OPRD1: variants seen among roughly 807,000 people sequenced by gnomAD.
The protein encoded by OPRD1 is opioid receptor delta 1, also known as delta-type opioid receptor.
OPRD1 carries 19 observed loss-of-function variants against 17.5 expected under a neutral mutation model. That is an observed-to-expected ratio of 1.09 (90% CI 0.76 to 1.60). The LOEUF (loss-of-function observed/expected upper bound fraction) is 1.60, where lower values mean the gene tolerates loss of function less well. Ranked by LOEUF, OPRD1 falls within the 40% of genes most tolerant of loss-of-function variation. The pLI is 0.00. For missense variants in OPRD1, 483 were observed against 547.2 expected (o/e 0.88, Z 1.17); for synonymous variants, 256 against 240.9 (o/e 1.06, Z -0.58).
Position 28,828,687 on chromosome 1 carries a change from T to TAAAA in OPRD1, c.227+16095_227+16098dup, listed in dbSNP as rs71027300. Among the ~76,000 whole-genome samples the TAAAA allele has an allele frequency of 8.8e-5, 9 of 102,292 alleles. No homozygotes were observed. In the East Asian group the frequency reaches 9.1e-4, roughly 10 times the overall value. 67.1% of individuals were successfully genotyped at this position (102,292 alleles called of 152,430 possible). On this transcript the variant is annotated intron_variant, in intron 1 of 2. Coordinates refer to ENST00000234961, the MANE Select transcript of OPRD1 (RefSeq NM_000911.4). ...AGTGACAGAGTGAAACTCGATCTCT[T>TAAAA]AAAAAAAAAAAAAAAAAAAAAGCCA...
In OPRD1 at chr1:28,818,204, G is replaced by A. The variant is rs183437045; in HGVS notation, c.227+5594G>A. Among the ~76,000 whole-genome samples the A allele has an allele frequency of 9.1e-4, 138 of 152,256 alleles. 1 individual carries two copies. The highest frequency in any genetic ancestry group is 3.2e-3 in the African/African-American group (133 of 41,524). On this transcript the variant is annotated intron_variant, in intron 1 of 2. Transcript: ENST00000234961. ...TGGTCGTCTATGTTTTCCACCTTTGGCCCTTTCCCATGTCCTGCATTGCCT... is the reference window on the plus strand; with the variant it reads ...TGGTCGTCTATGTTTTCCACCTTTGACCCTTTCCCATGTCCTGCATTGCCT...
At chr1:28,836,571 G>A (rs1419306788) in intron 1 of OPRD1, among the ~76,000 whole-genome samples, 1 of 152,050 alleles carries the variant, frequency 6.6e-6, no homozygotes, top group East Asian at 1.9e-4. Context: ...AAATCAAGGT[G>A]TTGGCTGGGC....
rs1230150067 is a variant in OPRD1, at chr1:28,864,739, G to A, written c.*1456G>A. ...TTAGATCCCGTAGATGGTAAGTGGT[G>A]CCTGGGACTCTTGAGGGCGGGGGGC... On this transcript the variant is annotated 3_prime_UTR_variant, in exon 3 of 3. Transcript: ENST00000234961. 1 of 122,662 alleles carries A rather than the reference G, an allele frequency of 8.2e-6. No homozygotes were observed. The highest frequency in any genetic ancestry group is 1.7e-5 in the Non-Finnish European group (1 of 59,810). 7.6% of individuals were successfully genotyped at this position (122,662 alleles called of 1,614,324 possible). A position where few individuals can be genotyped will look rare whatever the true frequency, so the allele number is the denominator to read the frequency against.
At chr1:28,823,938 G>A (rs2088739632) in intron 1 of OPRD1, among the ~76,000 whole-genome samples, 1 of 150,198 alleles carries the variant, frequency 6.7e-6, no homozygotes, top group African/African-American at 2.4e-5. Context: ...AGCACTTTGG[G>A]AGGCTGAGGT....
At chr1:28,840,130 G>T (rs778606213) in intron 1 of OPRD1, among the ~76,000 whole-genome samples, 1 of 152,192 alleles carries the variant, frequency 6.6e-6, no homozygotes, top group Non-Finnish European at 1.5e-5. Context: ...GTCTAGTGTG[G>T]AAGACAGACA....
chr1:28,819,432 T>C (rs1171066585), intron 1 of OPRD1, among the ~76,000 whole-genome samples: 2 of 152,170 alleles, frequency 1.3e-5, no homozygotes, highest in Non-Finnish European at 2.9e-5. Context: ...GGGTCTTGGG[T>C]TCATTCCCTG....
At chr1:28,862,109 G>A (rs955533483) in intron 2 of OPRD1, among the ~76,000 whole-genome samples, 3 of 151,532 alleles carry the variant, frequency 2.0e-5, no homozygotes, top group African/African-American at 7.3e-5. Flanking sequence ...AGTAGAGATG[G>A]GGTTTTACCG....
At chr1:28,847,471 C>T (rs2088964320) in intron 1 of OPRD1, among the ~76,000 whole-genome samples, 1 of 152,176 alleles carries the variant, frequency 6.6e-6, no homozygotes, top group African/African-American at 2.4e-5. Flanking sequence ...TGACGTTGTA[C>T]ATGTACCAGC....
At chr1:28,843,057 C>A (rs1351783705) in intron 1 of OPRD1, among the ~76,000 whole-genome samples, 1 of 152,014 alleles carries the variant, frequency 6.6e-6, no homozygotes, top group African/African-American at 2.4e-5. Flanking sequence ...TTGTATGCTG[C>A]ACGCTTTCAC....
intron 1 of OPRD1, among the ~76,000 whole-genome samples, 159 bp downstream of exon 1, chr1:28,812,769 G>A (rs1030723469): frequency 6.6e-6 from 1 of 152,254 alleles, no homozygotes; most frequent in Non-Finnish European, 1.5e-5. Context: ...CTTACATCGA[G>A]GGGAACACAG....
intron 1 of OPRD1, among the ~76,000 whole-genome samples, chr1:28,819,496 GAACACTGAA>G (rs1325743946): frequency 6.6e-6 from 1 of 152,178 alleles, no homozygotes. Context: ...GAGTCACTGA[GAACACTGAA>G]AAGCCTCTTC....
In OPRD1 at chr1:28,867,616, A is replaced by G. The variant is rs2089186096; in HGVS notation, c.*4333A>G. 2 of 152,048 alleles carry G rather than the reference A, an allele frequency of 1.3e-5. No individual in the cohort carries two copies. Among genetic ancestry groups the G allele is most frequent in the African/African-American group, 4.8e-5 (2 of 41,342 alleles). The allele number at this position is 152,048 out of a possible 1,614,324, so 9.4% of individuals were successfully genotyped here. The stretch of plus-strand genomic sequence containing the variant: ...CTTGGCCTCCCAAAGTACTGGGTTT[A>G]CAGGTGTGAGCCACTGTGCCCAGCT... On this transcript the variant is annotated 3_prime_UTR_variant, in exon 3 of 3. Transcript: ENST00000234961.
intron 1 of OPRD1, among the ~76,000 whole-genome samples, chr1:28,841,773 G>A (rs1290429467): frequency 6.6e-6 from 1 of 151,688 alleles, no homozygotes; most frequent in Non-Finnish European, 1.5e-5. Flanking sequence ...GAGTGCAGTG[G>A]TGTGATCTCA....
chr1:28,867,807 C>T lies in OPRD1; in HGVS notation c.*4524C>T, dbSNP rs1448050252. Reference sequence around the variant, plus strand: ...GGATAAGGCCCAGAACGTAAGTAAACTCTAAGTACATGGTAAGTGGCAGTC... The same window carrying T: ...GGATAAGGCCCAGAACGTAAGTAAATTCTAAGTACATGGTAAGTGGCAGTC... On this transcript the variant is annotated 3_prime_UTR_variant, in exon 3 of 3. Transcript: ENST00000234961. The T allele has an allele frequency of 6.6e-6, 1 of 152,302 alleles. No individual in the cohort carries two copies. The highest frequency in any genetic ancestry group is 1.5e-5 in the Non-Finnish European group (1 of 68,112). The allele number at this position is 152,302 out of a possible 1,614,324, so 9.4% of individuals were successfully genotyped here. A position where few individuals can be genotyped will look rare whatever the true frequency, so the allele number is the denominator to read the frequency against.
intron 1 of OPRD1, among the ~76,000 whole-genome samples, chr1:28,815,085 G>A (rs2088662693): frequency 1.3e-5 from 2 of 152,262 alleles, no homozygotes; most frequent in South Asian, 4.1e-4. Flanking sequence ...GACAGTCAAA[G>A]CATTGTCTGG....
In OPRD1 at chr1:28,812,345, G is replaced by T. The variant is rs566782503; in HGVS notation, c.-39G>T. ...CGCGTCGGATCCCCGCGCCCAGGGC[G>T]CACGGTGGAGAGGGACGCGGCGGAG... On this transcript the variant is annotated 5_prime_UTR_variant, in exon 1 of 3. Coordinates refer to ENST00000234961, the MANE Select transcript of OPRD1 (RefSeq NM_000911.4). 8 of 1,269,486 alleles carry T rather than the reference G, an allele frequency of 6.3e-6. No individual in the cohort carries two copies. The highest frequency in any genetic ancestry group is 8.0e-6 in the Non-Finnish European group (8 of 1,002,756). 78.6% of individuals were successfully genotyped at this position (1,269,486 alleles called of 1,614,324 possible). A position where few individuals can be genotyped will look rare whatever the true frequency, so the allele number is the denominator to read the frequency against.
intron 1 of OPRD1, among the ~76,000 whole-genome samples, chr1:28,834,947 C>T (rs1448265300): frequency 6.6e-6 from 1 of 152,118 alleles, no homozygotes; most frequent in Non-Finnish European, 1.5e-5. Flanking sequence ...GTGTGTCCCC[C>T]GCCATTGGAA....
At chr1:28,820,196 T>A (rs948941737) in intron 1 of OPRD1, among the ~76,000 whole-genome samples, 4 of 147,726 alleles carry the variant, frequency 2.7e-5, no homozygotes, top group African/African-American at 2.6e-5. Flanking sequence ...GAACTAGATT[T>A]TTTTTTTTTT....
chr1:28,861,825 A>G (rs890520792), intron 2 of OPRD1, among the ~76,000 whole-genome samples: 1 of 6,492 alleles, frequency 1.5e-4, no homozygotes, highest in Non-Finnish European at 2.9e-4. Flanking sequence ...TCCCCCACAT[A>G]TATGCCCCTC....
Sources: gnomAD v4.1 joint callset for allele counts (sites outside exome capture counted in the v4.1 genomes callset) on GRCh38, gnomAD v4.1.1 for gene constraint, MANE v1.5 for transcripts, NCBI Gene and HGNC (gene_info 2026-07-23, HGNC 2026-07-21) for gene names.